STK3: variants seen among roughly 807,000 people sequenced by gnomAD.
STK3 encodes the protein serine/threonine-protein kinase 3.
In STK3, 41 loss-of-function variants were observed where a neutral mutation model predicts 58.0. The observed-to-expected ratio is 0.71, with a 90% CI of 0.55 to 0.92. The LOEUF (loss-of-function observed/expected upper bound fraction) is 0.92, where lower values mean the gene tolerates loss of function less well. STK3 is among the 40% of genes least tolerant of loss of function. The pLI is 0.00. For synonymous variants in STK3, 170 were observed against 191.0 expected (o/e 0.89, Z 0.91); for missense variants, 479 against 602.7 (o/e 0.79, Z 2.15).
At chr8:98,864,180 A>T (rs1219258265) in intron 3 of STK3, among the ~76,000 whole-genome samples, 1 of 142,776 alleles carries the variant, frequency 7.0e-6, no homozygotes, top group Non-Finnish European at 1.5e-5. Flanking sequence ...CCTGGGCGAC[A>T]GAGCGAGACT....
upstream of STK3, among the ~76,000 whole-genome samples, chr8:98,392,066 C>T (rs1374040519): frequency 2.6e-5 from 4 of 152,130 alleles, no homozygotes; most frequent in Non-Finnish European, 5.9e-5. Context: ...CTCCTCTTAT[C>T]CCCCAAGAAC....
At chr8:98,770,227 G>A (rs1461481120) in intron 2 of STK3, among the ~76,000 whole-genome samples, 1 of 152,020 alleles carries the variant, frequency 6.6e-6, no homozygotes, top group African/African-American at 2.4e-5. Context: ...GCATGCAGTG[G>A]TCCTCCAGAC....
At chr8:98,671,767 T>C (rs1027214890) in intron 6 of STK3, among the ~76,000 whole-genome samples, 3 of 152,148 alleles carry the variant, frequency 2.0e-5, no homozygotes, top group African/African-American at 7.2e-5. Flanking sequence ...AAATCTTTTG[T>C]AGATAACAGT....
At chr8:98,827,257 C>T (rs937658321), upstream of STK3, among the ~76,000 whole-genome samples, 1 of 152,098 alleles carries the variant, frequency 6.6e-6, no homozygotes, top group African/African-American at 2.4e-5. Flanking sequence ...TCACTTGAAC[C>T]CGGGAGGCAG....
At chr8:98,600,072 T>C (rs2130037530) in intron 6 of STK3, among the ~76,000 whole-genome samples, 1 of 152,300 alleles carries the variant, frequency 6.6e-6, no homozygotes, top group South Asian at 2.1e-4. Flanking sequence ...AAAGTGAAAC[T>C]TTCTCCTATA....
At chr8:98,849,565 A>G (rs374946580) in intron 3 of STK3, among the ~76,000 whole-genome samples, 1 of 152,204 alleles carries the variant, frequency 6.6e-6, no homozygotes, top group Non-Finnish European at 1.5e-5. Flanking sequence ...GGGAGACCTG[A>G]CTTCAGATAT....
intron 10 of STK3, among the ~76,000 whole-genome samples, chr8:98,516,803 T>A (rs891346292): frequency 4.6e-5 from 7 of 152,040 alleles, no homozygotes; most frequent in African/African-American, 1.7e-4. Flanking sequence ...TCGCTAGTCG[T>A]TCCACTGGAC....
chr8:98,650,797 G>C (rs916073154), intron 6 of STK3, among the ~76,000 whole-genome samples: 13 of 152,234 alleles, frequency 8.5e-5, no homozygotes, highest in African/African-American at 2.9e-4. Context: ...AGGGGCGCCT[G>C]CCATTGCCCA....
chr8:98,749,971 G>A (rs1829870848), intron 3 of STK3, among the ~76,000 whole-genome samples: 1 of 152,010 alleles, frequency 6.6e-6, no homozygotes, highest in Non-Finnish European at 1.5e-5. Context: ...CTGTCTTCAG[G>A]AAGATTTAGA....
At chr8:98,369,898 T>C (rs187106262), downstream of STK3, among the ~76,000 whole-genome samples, 1 of 152,120 alleles carries the variant, frequency 6.6e-6, no homozygotes, top group Admixed American at 6.5e-5. Flanking sequence ...TGGGCTTTCA[T>C]GGTGCCTATG....
chr8:98,548,384 G>C (rs1586833894), intron 8 of STK3, among the ~76,000 whole-genome samples: 1 of 152,108 alleles, frequency 6.6e-6, no homozygotes, highest in African/African-American at 2.4e-5. Context: ...AGAAACTGAT[G>C]AAGTAGAAGG....
intron 6 of STK3, among the ~76,000 whole-genome samples, chr8:98,608,861 C>T (rs1816962446): frequency 6.6e-6 from 1 of 152,188 alleles, no homozygotes; most frequent in Admixed American, 6.5e-5. Flanking sequence ...CCATGTAAAA[C>T]TGACTTCAGA....
intron 3 of STK3, among the ~76,000 whole-genome samples, chr8:98,416,713 C>A (rs1349293553): frequency 6.6e-6 from 1 of 152,200 alleles, no homozygotes. Context: ...AAAATCTAGT[C>A]ATTGTTTGCA....
At chr8:98,712,990 C>G (rs1437190776) in intron 4 of STK3, among the ~76,000 whole-genome samples, 1 of 152,206 alleles carries the variant, frequency 6.6e-6, no homozygotes, top group Admixed American at 6.5e-5. Flanking sequence ...TCACTCAAAA[C>G]CGCTCAACTA....
intron 3 of STK3, among the ~76,000 whole-genome samples, chr8:98,423,087 C>T (rs2131058217): frequency 6.6e-6 from 1 of 152,350 alleles, no homozygotes; most frequent in Admixed American, 6.5e-5. Flanking sequence ...CCCTCCCCAT[C>T]CAGTTCCCTT....
intron 4 of STK3, among the ~76,000 whole-genome samples, chr8:98,732,965 G>A (rs1828316324): frequency 6.6e-6 from 1 of 152,320 alleles, no homozygotes; most frequent in African/African-American, 2.4e-5. Context: ...ATGTGGCAAT[G>A]ATTTTGAGTA....
intron 6 of STK3, among the ~76,000 whole-genome samples, chr8:98,666,773 G>A (rs1822402522): frequency 6.6e-6 from 1 of 152,084 alleles, no homozygotes; most frequent in Non-Finnish European, 1.5e-5. Flanking sequence ...TTACATCTAA[G>A]TCTCAATTAT....
chr8:98,657,838 A>T (rs78879177), intron 6 of STK3, among the ~76,000 whole-genome samples: 1,693 of 152,180 alleles, frequency 0.011, 42 homozygotes, highest in African/African-American at 0.039. Context: ...AAATAAAACT[A>T]GAATAACAGT....
At chr8:98,349,908 A>G in the STK3 span, among the ~76,000 whole-genome samples, 1 of 151,726 alleles carries the variant, frequency 6.6e-6, no homozygotes, top group Admixed American at 6.6e-5. Flanking sequence ...CTGTGATGGG[A>G]GGGGCTGCCA....
Sources: allele counts gnomAD v4.1 joint callset (sites outside exome capture counted in the v4.1 genomes callset), GRCh38; gene constraint gnomAD v4.1.1; transcripts MANE v1.5; gene names NCBI Gene and HGNC (gene_info 2026-07-23, HGNC 2026-07-21).